The following RBM38 variants were observed in gnomAD, a reference collection of about 807,000 sequenced individuals.
The protein encoded by RBM38 is RNA binding motif protein 38.
In RBM38, 11 loss-of-function variants were observed where a neutral mutation model predicts 23.5. The observed-to-expected ratio is 0.47, with a 90% CI of 0.29 to 0.77. The LOEUF is 0.77. Ranked by LOEUF, RBM38 falls within the 30% of genes least tolerant of loss-of-function variation. The pLI is 0.08. For synonymous variants in RBM38, 165 were observed against 166.1 expected (o/e 0.99, Z 0.05); for missense variants, 330 against 351.9 (o/e 0.94, Z 0.50).
intron 3 of RBM38, among the ~76,000 whole-genome samples, chr20:57,403,119 A>G (rs1243714484): frequency 6.6e-6 from 1 of 152,158 alleles, no homozygotes; most frequent in African/African-American, 2.4e-5. Flanking sequence ...CAGTTGTGAC[A>G]ACTAGGACCG....
chr20:57,391,824 T>C lies in RBM38; in HGVS notation c.237+6T>C. The C allele has an allele frequency of 1.3e-6, 2 of 1,521,226 alleles. No homozygotes were observed. Among genetic ancestry groups the C allele is most frequent in the Non-Finnish European group, 8.8e-7 (1 of 1,131,934 alleles). 94.2% of individuals were successfully genotyped at this position (1,521,226 alleles called of 1,614,324 possible). On this transcript the variant is annotated splice_donor_region_variant and intron_variant, in intron 1 of 3. Coordinates refer to ENST00000356208, the MANE Select transcript of RBM38 (RefSeq NM_017495.6). ...AGTCCCGCGGCTACGGCTTCGTAAG[T>C]GGCCCCCGCGCCCGGGCCCGCACCC...
At chr20:57,397,427 A>G (rs2067285190) in intron 3 of RBM38, among the ~76,000 whole-genome samples, 1 of 152,196 alleles carries the variant, frequency 6.6e-6, no homozygotes, top group South Asian at 2.1e-4. Context: ...TCAGAGCACA[A>G]GGCCTCGAGA....
intron 3 of RBM38, among the ~76,000 whole-genome samples, chr20:57,395,539 C>G (rs1196970687): frequency 6.6e-6 from 1 of 152,160 alleles, no homozygotes; most frequent in Non-Finnish European, 1.5e-5. Context: ...TTGTTGGTTG[C>G]CAAAGGGTGG....
Position 57,407,341 on chromosome 20 carries a change from G to T in RBM38, c.417-202G>T, listed in dbSNP as rs1287181673. Among the ~76,000 whole-genome samples the T allele has an allele frequency of 6.6e-6, 1 of 152,164 alleles. No individual in the cohort carries two copies. Among genetic ancestry groups the T allele is most frequent in the African/African-American group, 2.4e-5 (1 of 41,426 alleles). On this transcript the variant is annotated intron_variant, in intron 3 of 3. Coordinates refer to ENST00000356208, the MANE Select transcript of RBM38 (RefSeq NM_017495.6). The surrounding 1 kb of genome is among the most constrained non-coding windows in gnomAD (Gnocchi z 4.0). ...AGAAGGAGACATGGAGTGGAGGAGG[G>T]AGCCTGGTGGTTAGTGCAGACAGTC...
Position 57,396,011 on chromosome 20 carries a change from C to T in RBM38, c.416+2678C>T, listed in dbSNP as rs1216035178. Among the ~76,000 whole-genome samples, 3 of 152,342 alleles carry T rather than the reference C, an allele frequency of 2.0e-5. No individual in the cohort carries two copies. In the East Asian group the frequency reaches 5.8e-4, roughly 29 times the overall value. The stretch of plus-strand genomic sequence containing the variant: ...CTCTTCCTTGACTTTCTGACCCCGA[C>T]CTTTTATACCTTGCCCTGGACAACT... On this transcript the variant is annotated intron_variant, in intron 3 of 3. Transcript: ENST00000356208.
rs1392547441 is a variant in RBM38, at chr20:57,391,546, G to A, written c.-36G>A. On this transcript the variant is annotated 5_prime_UTR_variant, in exon 1 of 4. Coordinates refer to ENST00000356208, the MANE Select transcript of RBM38 (RefSeq NM_017495.6). ...CGCCGCCCCCCATGAGCGCAGCCCC[G>A]CGCGGCCCGGGTCCGTAGGCGGCGG... The A allele has an allele frequency of 9.3e-6, 8 of 858,190 alleles. No individual in the cohort carries two copies. The African/African-American group carries it at 1.1e-4, about 12-fold the overall frequency. 53.2% of individuals were successfully genotyped at this position (858,190 alleles called of 1,614,324 possible). A position where few individuals can be genotyped will look rare whatever the true frequency, so the allele number is the denominator to read the frequency against.
intron 3 of RBM38, among the ~76,000 whole-genome samples, chr20:57,402,698 G>A (rs1382404921): frequency 6.6e-6 from 1 of 152,272 alleles, no homozygotes; most frequent in Non-Finnish European, 1.5e-5. Flanking sequence ...TTGCCAGGCA[G>A]TGAAGCCTTG....
Position 57,391,642 on chromosome 20 carries a change from C to G in RBM38, c.61C>G (p.Pro21Ala). 6.8e-7 allele frequency: 1 copy of G among 1,477,208 alleles called. No individual in the cohort carries two copies. Among genetic ancestry groups the G allele is most frequent in the Non-Finnish European group, 9.0e-7 (1 of 1,108,012 alleles). 91.5% of individuals were successfully genotyped at this position (1,477,208 alleles called of 1,614,324 possible). Residue 21 changes from proline (P) to alanine (A), a missense_variant, in exon 1 of 4, where the codon CCC becomes GCC. Physicochemically the swap from Pro to Ala is conservative, Grantham distance 27. This residue lies in a region of RBM38 where 95 missense variants were observed against 111.9 expected (regional missense o/e 0.85). Coordinates refer to ENST00000356208, the MANE Select transcript of RBM38 (RefSeq NM_017495.6). Reference sequence around the variant, plus strand: ...GGGCTTCCCGCGGCCCCTGGCCGCCCCCGGCGCCATGCACGGCTCGCAGAA... The same window carrying G: ...GGGCTTCCCGCGGCCCCTGGCCGCCGCCGGCGCCATGCACGGCTCGCAGAA... ...SAGFPRPLAAPGAMHGSQKDT... is the reference protein window; with the variant it reads ...SAGFPRPLAAAGAMHGSQKDT...
In RBM38 at chr20:57,407,437, GTCGGGGC is replaced by G. The variant is rs1306129404; in HGVS notation, c.417-99_417-93del. On this transcript the variant is annotated intron_variant, in intron 3 of 3. Coordinates refer to ENST00000356208, the MANE Select transcript of RBM38 (RefSeq NM_017495.6). This position sits in a 1 kb window ranked among gnomAD's most constrained non-coding sequence, Gnocchi z 4.0. Reference sequence around the variant, plus strand: ...TGTGCCCATCTGACCGATGAGGAAAGTCGGGGCTCGGGGTGGGGGGCGGCACGCATCG... The same window carrying G: ...TGTGCCCATCTGACCGATGAGGAAAGTCGGGGTGGGGGGCGGCACGCATCG... 7.6e-7 allele frequency: 1 copy of G among 1,309,626 alleles called. No homozygotes were observed. Among genetic ancestry groups the G allele is most frequent in the South Asian group, 1.4e-5 (1 of 70,900 alleles). 81.1% of individuals were successfully genotyped at this position (1,309,626 alleles called of 1,614,324 possible).
intron 3 of RBM38, among the ~76,000 whole-genome samples, chr20:57,397,908 A>G (rs1175295267): frequency 6.6e-6 from 1 of 152,250 alleles, no homozygotes; most frequent in Admixed American, 6.5e-5. Context: ...CTGCGTGGGG[A>G]CGGAACAGTT....
chr20:57,400,375 T>A (rs2067315306), intron 3 of RBM38, among the ~76,000 whole-genome samples: 1 of 152,148 alleles, frequency 6.6e-6, no homozygotes, highest in Non-Finnish European at 1.5e-5. Context: ...TGGACCAGGC[T>A]CGGGGTCCCC....
Position 57,391,638 on chromosome 20 carries a change from C to T in RBM38, c.57C>T (p.Ala19=). The change falls in exon 1 of 4, where the codon GCC becomes GCT. Residue 19 remains alanine, a synonymous_variant. Transcript: ENST00000356208. ...APSAGFPRPL[A]APGAMHGSQK... ...GCGCGGGCTTCCCGCGGCCCCTGGC[C>T]GCCCCCGGCGCCATGCACGGCTCGC... 1 of 1,462,434 alleles carries T rather than the reference C, an allele frequency of 6.8e-7. No individual in the cohort carries two copies. The highest frequency in any genetic ancestry group is 9.1e-7 in the Non-Finnish European group (1 of 1,099,312). The allele number at this position is 1,462,434 out of a possible 1,614,324, so 90.6% of individuals were successfully genotyped here.
intron 3 of RBM38, among the ~76,000 whole-genome samples, chr20:57,404,369 A>G (rs1304812294): frequency 6.6e-6 from 1 of 152,228 alleles, no homozygotes. Flanking sequence ...GAGATGTCTG[A>G]GGCAGGGGCA....
Position 57,391,521 on chromosome 20 carries a change from C to A in RBM38, c.-61C>A. The A allele has an allele frequency of 2.0e-6, 1 of 504,332 alleles. No homozygotes were observed. Among genetic ancestry groups the A allele is most frequent in the South Asian group, 8.3e-5 (1 of 12,108 alleles). 31.2% of individuals were successfully genotyped at this position (504,332 alleles called of 1,614,324 possible). A position where few individuals can be genotyped will look rare whatever the true frequency, so the allele number is the denominator to read the frequency against. ...GCCCCTCGCTGCCCCGCGCGCTCCC[C>A]GCCGCCCCCCATGAGCGCAGCCCCG... On this transcript the variant is annotated 5_prime_UTR_variant, in exon 1 of 4. Coordinates refer to ENST00000356208, the MANE Select transcript of RBM38 (RefSeq NM_017495.6).
chr20:57,393,256 C>T, intron 2 of RBM38, 23 bp from the exon 3 acceptor site: 1 of 1,613,058 alleles, frequency 6.2e-7, no homozygotes, highest in Non-Finnish European at 8.5e-7. Context: ...AAGGCCAAGT[C>T]CCTGATTGTT....
In RBM38 at chr20:57,407,427, G is replaced by T. The variant is rs1047204437; in HGVS notation, c.417-116G>T. On this transcript the variant is annotated intron_variant, in intron 3 of 3. Transcript: ENST00000356208. The surrounding 1 kb of genome is among the most constrained non-coding windows in gnomAD (Gnocchi z 4.0). ...GTGCTGTTTCTGTGCCCATCTGACCGATGAGGAAAGTCGGGGCTCGGGGTG... is the reference window on the plus strand; with the variant it reads ...GTGCTGTTTCTGTGCCCATCTGACCTATGAGGAAAGTCGGGGCTCGGGGTG... 7.4e-6 allele frequency: 9 copies of T among 1,210,766 alleles called. No homozygotes were observed. In the African/African-American group the frequency reaches 1.1e-4, roughly 14 times the overall value. The allele number at this position is 1,210,766 out of a possible 1,614,324, so 75.0% of individuals were successfully genotyped here.
chr20:57,399,399 G>C (rs755838965), intron 3 of RBM38, among the ~76,000 whole-genome samples: 1 of 152,192 alleles, frequency 6.6e-6, no homozygotes, highest in Non-Finnish European at 1.5e-5. Context: ...GGCATGAGAC[G>C]AGGGTGCTGC....
At chr20:57,395,355 C>T (rs1465534961) in intron 3 of RBM38, among the ~76,000 whole-genome samples, 3 of 152,050 alleles carry the variant, frequency 2.0e-5, no homozygotes, top group Non-Finnish European at 2.9e-5. Flanking sequence ...GGCCCTGGCC[C>T]GACCTTTCCC....
At chr20:57,400,241 TCTCTGTGGA>T (rs2067314050) in intron 3 of RBM38, among the ~76,000 whole-genome samples, 1 of 152,108 alleles carries the variant, frequency 6.6e-6, no homozygotes, top group African/African-American at 2.4e-5. Flanking sequence ...GACCCCTGAG[TCTCTGTGGA>T]CAGAGTCAGC....
Sources: gnomAD v4.1 joint callset for allele counts (sites outside exome capture counted in the v4.1 genomes callset) on GRCh38, gnomAD v4.1.1 for gene constraint, gnomAD v4.1.1 regional missense constraint, Gnocchi (gnomAD v3.1) non-coding constraint, MANE v1.5 for transcripts, NCBI Gene and HGNC (gene_info 2026-07-23, HGNC 2026-07-21) for gene names.